QKI: variants seen among roughly 807,000 people sequenced by gnomAD.
The protein encoded by QKI is QKI, KH domain containing RNA binding, also known as KH domain-containing RNA-binding protein QKI.
A neutral mutation model predicts 39.0 loss-of-function variants in QKI; 10 were observed. The ratio of observed to expected loss-of-function variants is 0.26; its 90% confidence interval spans 0.16 to 0.43. The LOEUF (loss-of-function observed/expected upper bound fraction) is 0.43. Among genes scored for constraint, QKI ranks in the 20% least tolerant of loss-of-function variants. QKI has a pLI of 1.00. For missense variants in QKI, 218 were observed against 428.0 expected, an observed-to-expected ratio of 0.51 and a Z score of 4.33; for synonymous variants, 204 against 155.4, an observed-to-expected ratio of 1.31 and a Z score of -2.33.
chr6:163,566,516 G>A (rs1167229123), intron 6 of QKI: 1 of 1,396,688 alleles, frequency 7.2e-7, no homozygotes, highest in Non-Finnish European at 9.3e-7. Context: ...TAAGGCCCAA[G>A]ATGTTTGAAA....
chr6:163,500,521 A>C (rs1778695060), intron 3 of QKI, among the ~76,000 whole-genome samples: 1 of 152,192 alleles, frequency 6.6e-6, no homozygotes, highest in South Asian at 2.1e-4. Flanking sequence ...TTCCTTACCC[A>C]GGCTGTCTTC....
At chr6:163,460,453 TATA>T (rs1395594753) in intron 2 of QKI, among the ~76,000 whole-genome samples, 1 of 152,212 alleles carries the variant, frequency 6.6e-6, no homozygotes, top group Non-Finnish European at 1.5e-5. Flanking sequence ...CTGTCTCTCT[TATA>T]ATAATACATG....
chr6:163,437,419 A>G (rs888715610), intron 1 of QKI, among the ~76,000 whole-genome samples: 6 of 152,212 alleles, frequency 3.9e-5, no homozygotes, highest in African/African-American at 1.4e-4. Context: ...ATGAGATGAT[A>G]CTAAATTCAG....
In QKI at chr6:163,563,655, C is replaced by T; in HGVS notation, c.870C>T (p.Tyr290=). Residue 290 remains tyrosine, a synonymous_variant, in exon 6 of 8, where the codon TAC becomes TAT. Transcript: ENST00000361752. ...GTTTAATCTATACACCCTATGAGTA[C>T]CCCTACACATTGGCACCAGCTACAT... ...EAGLIYTPYE[Y]PYTLAPATSI... 1 of 1,614,038 alleles carries T rather than the reference C, an allele frequency of 6.2e-7. No homozygotes were observed. Among genetic ancestry groups the T allele is most frequent in the Non-Finnish European group, 8.5e-7 (1 of 1,179,900 alleles).
intron 1 of QKI, among the ~76,000 whole-genome samples, chr6:163,419,172 C>T (rs775434693): frequency 2.0e-5 from 3 of 152,146 alleles, no homozygotes; most frequent in Admixed American, 6.5e-5. Flanking sequence ...TGCCTGCTCC[C>T]TCTCCTTTAA....
intron 2 of QKI, chr6:163,457,372 C>T: frequency 2.2e-6 from 1 of 455,986 alleles, no homozygotes; most frequent in Middle Eastern, 3.3e-4. Flanking sequence ...CCTTTCCTTC[C>T]TCCTCCAGTT....
intron 3 of QKI, among the ~76,000 whole-genome samples, chr6:163,502,302 T>TA (rs1217018662): frequency 1.8e-5 from 1 of 56,818 alleles, no homozygotes; most frequent in Non-Finnish European, 3.6e-5. Context: ...CAACCTGGGT[T>TA]AAACAGTGAG....
chr6:163,425,505 T>C (rs187450637), intron 1 of QKI, among the ~76,000 whole-genome samples: 1 of 152,328 alleles, frequency 6.6e-6, no homozygotes, highest in East Asian at 1.9e-4. Context: ...ATACAATATA[T>C]ATGGGTTTAA....
intron 3 of QKI, among the ~76,000 whole-genome samples, chr6:163,504,952 C>A (rs1352353593): frequency 6.6e-6 from 1 of 152,178 alleles, no homozygotes; most frequent in Non-Finnish European, 1.5e-5. Context: ...GCTTACACTT[C>A]TTTGCCTTCT....
chr6:163,433,387 G>A (rs1220852065), intron 1 of QKI, among the ~76,000 whole-genome samples: 1 of 152,144 alleles, frequency 6.6e-6, no homozygotes, highest in South Asian at 2.1e-4. Flanking sequence ...TGATTTCAGA[G>A]TCTCTTTAAT....
chr6:163,439,344 T>TG (rs1192047942), intron 1 of QKI, among the ~76,000 whole-genome samples: 6 of 148,784 alleles, frequency 4.0e-5, no homozygotes, highest in Admixed American at 2.7e-4. Flanking sequence ...TTTTTTGTTT[T>TG]TTTTTTTTTT....
intron 1 of QKI, among the ~76,000 whole-genome samples, chr6:163,449,137 T>C (rs1361166829): frequency 6.6e-6 from 1 of 152,216 alleles, no homozygotes; most frequent in African/African-American, 2.4e-5. Context: ...GCTACTTTAA[T>C]GTCTAGCAAG....
intron 3 of QKI, among the ~76,000 whole-genome samples, chr6:163,498,437 T>C (rs1047986911): frequency 1.3e-5 from 2 of 152,132 alleles, no homozygotes; most frequent in Admixed American, 6.6e-5. Flanking sequence ...TGCAGAATTA[T>C]AAAAACAGTA....
intron 3 of QKI, among the ~76,000 whole-genome samples, chr6:163,529,999 A>G (rs1158615710): frequency 1.3e-5 from 2 of 152,212 alleles, no homozygotes; most frequent in Non-Finnish European, 2.9e-5. Flanking sequence ...ATCAGGGGGC[A>G]GTACTGTGCT....
chr6:163,458,935 C>T (rs905488732), intron 2 of QKI, among the ~76,000 whole-genome samples: 1 of 152,160 alleles, frequency 6.6e-6, no homozygotes, highest in Non-Finnish European at 1.5e-5. Context: ...GTTTTGAATT[C>T]TGGCTTATCC....
intron 3 of QKI, among the ~76,000 whole-genome samples, chr6:163,514,801 A>C (rs772709343): frequency 3.3e-5 from 5 of 152,242 alleles, no homozygotes; most frequent in Admixed American, 6.5e-5. Context: ...AAACTCAACC[A>C]CTAGAAGAAA....
At position 163,573,589 on chromosome 6, in the gene QKI, A is replaced by G. The variant is rs1227578083; in HGVS notation, c.*2879A>G. 1 of 152,224 alleles carries G rather than the reference A, an allele frequency of 6.6e-6. No individual in the cohort carries two copies. Among genetic ancestry groups the G allele is most frequent in the African/African-American group, 2.4e-5 (1 of 41,476 alleles). The allele number at this position is 152,224 out of a possible 1,614,324, so 9.4% of individuals were successfully genotyped here. On this transcript the variant is annotated 3_prime_UTR_variant, in exon 8 of 8. Coordinates refer to ENST00000361752, the MANE Select transcript of QKI (RefSeq NM_006775.3). ...ACAAAATGCAAAATCCACAATTTTGATAACTGAAAATTGCCAATTGTTTTG... is the reference window on the plus strand; with the variant it reads ...ACAAAATGCAAAATCCACAATTTTGGTAACTGAAAATTGCCAATTGTTTTG...
At chr6:163,565,710 A>G (rs1286179980) in intron 6 of QKI, 5 of 1,195,344 alleles carry the variant, frequency 4.2e-6, no homozygotes, top group Non-Finnish European at 5.2e-6. Context: ...GCAGTAAAAC[A>G]TGATATTGAC....
rs959369491 is a variant in QKI at position 163,572,592 on chromosome 6, A to G, written c.*1882A>G. 4.7e-5 allele frequency: 7 copies of G among 149,574 alleles called. No individual in the cohort carries two copies. Among genetic ancestry groups the G allele is most frequent in the African/African-American group, 1.7e-4 (7 of 40,728 alleles). The allele number at this position is 149,574 out of a possible 1,614,324, so 9.3% of individuals were successfully genotyped here. A position where few individuals can be genotyped will look rare whatever the true frequency, so the allele number is the denominator to read the frequency against. ...TATGTAGTTGAAGCAATTTGTGTGC[A>G]AAGCCTACATCTAAACACTTGAGTG... On this transcript the variant is annotated 3_prime_UTR_variant, in exon 8 of 8. Transcript: ENST00000361752.
Sources: gnomAD v4.1 joint callset for allele counts (sites outside exome capture counted in the v4.1 genomes callset) on GRCh38, gnomAD v4.1.1 for gene constraint, MANE v1.5 for transcripts, NCBI Gene and HGNC (gene_info 2026-07-23, HGNC 2026-07-21) for gene names.